The following NAV3 variants were observed in gnomAD, a reference collection of about 807,000 sequenced individuals.
The protein encoded by NAV3 is pore membrane and/or filament interacting like protein 1.
Under a neutral mutation model 244.7 loss-of-function variants are expected in NAV3, and 87 were observed. The ratio of observed to expected loss-of-function variants is 0.36; its 90% CI spans 0.30 to 0.42. The LOEUF (loss-of-function observed/expected upper bound fraction) is 0.42, where lower values mean the gene tolerates loss of function less well. NAV3 is among the 20% of genes least tolerant of loss of function. The pLI is 1.00. For synonymous variants in NAV3, 1,126 were observed against 1,042.2 expected (o/e 1.08, Z -1.55); for missense variants, 2,663 against 2,893.3 (o/e 0.92, Z 1.83).
intron 5 of NAV3, among the ~76,000 whole-genome samples, chr12:77,989,457 C>A (rs1190721816): frequency 6.6e-6 from 1 of 152,126 alleles, no homozygotes; most frequent in African/African-American, 2.4e-5. Flanking sequence ...CTAAAACCAA[C>A]CAACCAACCA....
intron 2 of NAV3, among the ~76,000 whole-genome samples, chr12:77,657,471 T>C (rs1049809773): frequency 5.9e-5 from 9 of 152,146 alleles, no homozygotes; most frequent in African/African-American, 2.2e-4. Context: ...ATCAATAGCT[T>C]ACCCACCAAA....
intron 1 of NAV3, among the ~76,000 whole-genome samples, chr12:77,894,980 G>A (rs184609359): frequency 6.6e-5 from 10 of 152,198 alleles, no homozygotes; most frequent in East Asian, 1.9e-4. Flanking sequence ...ATATTCCTCC[G>A]GTATCCCTAT....
At chr12:77,846,696 G>C (rs555290931) in intron 1 of NAV3, among the ~76,000 whole-genome samples, 1 of 152,038 alleles carries the variant, frequency 6.6e-6, no homozygotes, top group East Asian at 1.9e-4. Context: ...TTAAGGATTC[G>C]TTGTTAGATG....
chr12:77,736,023 T>C (rs896446021), intron 2 of NAV3, among the ~76,000 whole-genome samples: 6 of 152,350 alleles, frequency 3.9e-5, no homozygotes, highest in East Asian at 1.9e-4. Context: ...AAATAACTTA[T>C]ATTGTCTTTC....
At chr12:78,130,523 G>T in intron 18 of NAV3, 1 of 201,016 alleles carries the variant, frequency 5.0e-6, no homozygotes, top group Middle Eastern at 8.8e-4. Context: ...TCGATTCCTG[G>T]CTGGAGGTAG....
At chr12:77,884,909 A>T (rs540039385) in intron 1 of NAV3, among the ~76,000 whole-genome samples, 1 of 152,264 alleles carries the variant, frequency 6.6e-6, no homozygotes, top group East Asian at 1.9e-4. Context: ...ACAATTCCAA[A>T]TTATTAATGA....
chr12:78,020,535 C>CT (rs1219841922), intron 8 of NAV3, among the ~76,000 whole-genome samples: 1 of 152,004 alleles, frequency 6.6e-6, no homozygotes, highest in Admixed American at 6.6e-5. Context: ...TTGTATAGTT[C>CT]TTTCTTTCAT....
chr12:77,641,505 TA>T (rs1265818041), intron 2 of NAV3, among the ~76,000 whole-genome samples: 3 of 152,180 alleles, frequency 2.0e-5, no homozygotes, highest in African/African-American at 7.2e-5. Flanking sequence ...ATAAAATGTA[TA>T]AAAAATTATA....
At position 77,818,329 on chromosome 12, in the gene NAV3, A is replaced by G. The variant is rs184952655; in HGVS notation, c.73-121990A>G. Among the ~76,000 whole-genome samples, 767 of 152,268 alleles carry G rather than the reference A, an allele frequency of 5.0e-3. 1 individual carries two copies. The highest frequency in any genetic ancestry group is 0.014 in the Middle Eastern group (4 of 294). ...CAGAAATAAAACTCCTAGAATGTAC[A>G]TGCATTAAGTCATGATTTTTAAAAC... On this transcript the variant is annotated intron_variant, in intron 2 of 8. Transcript: ENST00000550042.
intron 11 of NAV3, among the ~76,000 whole-genome samples, chr12:78,058,622 C>T (rs1365581252): frequency 6.6e-6 from 1 of 152,110 alleles, no homozygotes; most frequent in African/African-American, 2.4e-5. Context: ...ACTCCTATGA[C>T]CTCTTCAAAA....
At chr12:78,116,377 C>T (rs1256755187) in intron 12 of NAV3, among the ~76,000 whole-genome samples, 2 of 152,124 alleles carry the variant, frequency 1.3e-5, no homozygotes, top group African/African-American at 4.8e-5. Context: ...GACTACAGCA[C>T]AAGTTTTGGA....
At position 77,860,479 on chromosome 12, in the gene NAV3, G is replaced by A. The variant is rs142727584; in HGVS notation, c.243+28775G>A. ...TTATAATGTATATTATTAAAAATTA[G>A]CAAACCTCTATTAAAATGTTGCTGA... On this transcript the variant is annotated intron_variant, in intron 1 of 39. Coordinates refer to ENST00000397909, the MANE Select transcript of NAV3 (RefSeq NM_001024383.2). Among the ~76,000 whole-genome samples the A allele has an allele frequency of 3.7e-3, 564 of 151,254 alleles. 2 individuals carry two copies. The highest frequency in any genetic ancestry group is 0.013 in the African/African-American group (521 of 41,300).
intron 12 of NAV3, among the ~76,000 whole-genome samples, chr12:78,084,592 C>G (rs993770933): frequency 2.0e-5 from 3 of 152,082 alleles, no homozygotes; most frequent in African/African-American, 7.2e-5. Context: ...CTCTCTCTCT[C>G]TCTTTCTCTC....
intron 2 of NAV3, among the ~76,000 whole-genome samples, chr12:77,672,400 T>C (rs1385204770): frequency 6.6e-6 from 1 of 152,060 alleles, no homozygotes; most frequent in African/African-American, 2.4e-5. Flanking sequence ...TAGGTAGATA[T>C]CTACCCAGAG....
At chr12:77,981,461 A>G (rs146713727) in intron 5 of NAV3, among the ~76,000 whole-genome samples, 2 of 152,278 alleles carry the variant, frequency 1.3e-5, no homozygotes, top group East Asian at 3.9e-4. Flanking sequence ...AAGCAATCAT[A>G]GGACACATAA....
chr12:78,157,648 T>C (rs995062513), intron 22 of NAV3, among the ~76,000 whole-genome samples: 1 of 152,106 alleles, frequency 6.6e-6, no homozygotes, highest in African/African-American at 2.4e-5. Context: ...TCTGATATCA[T>C]CACATTCCTT....
At chr12:78,181,105 GC>G in intron 30 of NAV3, 60 bp downstream of exon 30, 1 of 1,526,938 alleles carries the variant, frequency 6.5e-7, no homozygotes, top group Non-Finnish European at 8.9e-7. Context: ...CGGGTGGGAA[GC>G]CTGGAATTTG....
chr12:77,765,824 A>G (rs1050200550), intron 2 of NAV3, among the ~76,000 whole-genome samples: 7 of 152,338 alleles, frequency 4.6e-5, no homozygotes, highest in African/African-American at 1.7e-4. Flanking sequence ...GAATACTGAG[A>G]TTAAAATTAG....
Position 77,648,682 on chromosome 12 carries a change from A to G in NAV3, c.72+76416A>G, listed in dbSNP as rs143667512. ...TCTGCCATTGTAAAAAGTTGGTGAC[A>G]ATTTATTTTATTTGCTTGACTTTTG... is the stretch of plus-strand genomic sequence containing the variant. On this transcript the variant is annotated intron_variant, in intron 2 of 8. Coordinates refer to the NAV3 transcript ENST00000550042. 2.7e-3 allele frequency among the ~76,000 whole-genome samples: 414 copies of G among 152,190 alleles called. 2 individuals are homozygous for G. The highest frequency in any genetic ancestry group is 9.4e-3 in the African/African-American group (391 of 41,552).
Sources: allele counts gnomAD v4.1 joint callset (sites outside exome capture counted in the v4.1 genomes callset), GRCh38; gene constraint gnomAD v4.1.1; transcripts MANE v1.5; gene names NCBI Gene and HGNC (gene_info 2026-07-23, HGNC 2026-07-21).